The following AGPAT3 variants were observed in gnomAD, a reference collection of about 807,000 sequenced individuals.
The protein encoded by AGPAT3 is 1-acylglycerol-3-phosphate O-acyltransferase 3, also known as 1-acyl-sn-glycerol-3-phosphate acyltransferase gamma.
AGPAT3 carries 5 observed loss-of-function variants against 47.3 expected under a neutral mutation model. That is an observed-to-expected ratio of 0.11 (90% CI 0.06 to 0.22). The LOEUF (loss-of-function observed/expected upper bound fraction) is 0.22. Ranked by LOEUF, AGPAT3 falls within the 10% of genes least tolerant of loss-of-function variation. The pLI is 1.00. For missense variants in AGPAT3, 315 were observed against 493.0 expected (o/e 0.64, Z 3.42); for synonymous variants, 212 against 208.3 (o/e 1.02, Z -0.15).
rs142601212 is a variant in AGPAT3, at chr21:43,912,345, G to A, written c.-49+8326G>A. On this transcript the variant is annotated intron_variant, in intron 2 of 9. Transcript: ENST00000291572. ...TGTCTCCCTTCCTCATCTCTCCCAA[G>A]TGAGGATGAATTTCTCCTGAGGAAG... is the stretch of plus-strand genomic sequence containing the variant. Among the ~76,000 whole-genome samples, 540 of 152,376 alleles carry A rather than the reference G, an allele frequency of 3.5e-3. 3 individuals are homozygous for A. The highest frequency in any genetic ancestry group is 0.012 in the African/African-American group (514 of 41,594).
At chr21:43,919,540 C>T (rs182908974) in intron 2 of AGPAT3, among the ~76,000 whole-genome samples, 43 of 152,280 alleles carry the variant, frequency 2.8e-4, no homozygotes, top group African/African-American at 9.4e-4. Flanking sequence ...ATTCACTCTT[C>T]GGTCCATGGA....
chr21:43,878,736 C>CT (rs112902305), intron 1 of AGPAT3, among the ~76,000 whole-genome samples: 22,416 of 140,756 alleles, frequency 0.16, 3,506 homozygotes, highest in African/African-American at 0.41. Context: ...TTCCATTTGT[C>CT]TTTTTTTTTT....
intron 2 of AGPAT3, among the ~76,000 whole-genome samples, chr21:43,921,825 T>G (rs1444155854): frequency 6.6e-6 from 1 of 152,088 alleles, no homozygotes; most frequent in Non-Finnish European, 1.5e-5. Context: ...AAGCGTTAAT[T>G]ACTTTTTTAA....
At chr21:43,866,073 G>A (rs1248935498) in intron 1 of AGPAT3, among the ~76,000 whole-genome samples, 1 of 151,534 alleles carries the variant, frequency 6.6e-6, no homozygotes, top group African/African-American at 2.4e-5. Context: ...CAAGTACTTA[G>A]GAAAGGAGGG....
At chr21:43,882,913 C>T (rs759604010) in intron 1 of AGPAT3, among the ~76,000 whole-genome samples, 7 of 152,216 alleles carry the variant, frequency 4.6e-5, no homozygotes, top group Admixed American at 6.5e-5. Context: ...GTGTCATAGC[C>T]GCTCACTTGT....
Position 43,866,200 on chromosome 21 carries a change from A to C in AGPAT3, c.-112+855A>C, listed in dbSNP as rs1051136635. Among the ~76,000 whole-genome samples, 3 of 65,878 alleles carry C rather than the reference A, an allele frequency of 4.6e-5. No homozygotes were observed. In the Admixed American group the frequency reaches 5.0e-4, roughly 11 times the overall value. The allele number at this position is 65,878 out of a possible 152,430, so 43.2% of individuals were successfully genotyped here. A position where few individuals can be genotyped will look rare whatever the true frequency, so the allele number is the denominator to read the frequency against. On this transcript the variant is annotated intron_variant, in intron 1 of 9. Transcript: ENST00000291572. ...TTTATAAATGGCTTCCCAGACCTTT[A>C]AAAAAAAAAAAGCACAATTTTAAAA...
At chr21:43,889,385 G>T (rs1469834090) in intron 1 of AGPAT3, among the ~76,000 whole-genome samples, 2 of 151,392 alleles carry the variant, frequency 1.3e-5, no homozygotes, top group Non-Finnish European at 2.9e-5. Context: ...TCACAATCAT[G>T]ATTGGATGTT....
In AGPAT3 at chr21:43,970,269, G is replaced by A. The variant is rs2089339883; in HGVS notation, c.511-384G>A. ...GATCCACCCGCCTCGGCCTCCTAAA[G>A]TGCTGGGATTACAGGGGTGAGCCAC... On this transcript the variant is annotated intron_variant, in intron 5 of 9. Transcript: ENST00000291572. This position sits in a 1 kb window ranked among gnomAD's most constrained non-coding sequence, Gnocchi z 5.8. Among the ~76,000 whole-genome samples, 1 of 152,148 alleles carries A rather than the reference G, an allele frequency of 6.6e-6. No homozygotes were observed. The highest frequency in any genetic ancestry group is 1.5e-5 in the Non-Finnish European group (1 of 68,026).
intron 2 of AGPAT3, among the ~76,000 whole-genome samples, chr21:43,940,744 C>A (rs1240768785): frequency 3.3e-5 from 5 of 152,248 alleles, no homozygotes; most frequent in African/African-American, 1.2e-4. Context: ...TGCGTAGTTA[C>A]CATCAAAGTG....
chr21:43,948,933 A>G (rs2088044028), intron 2 of AGPAT3, among the ~76,000 whole-genome samples: 1 of 152,200 alleles, frequency 6.6e-6, no homozygotes, highest in African/African-American at 2.4e-5. Context: ...AGCTGCTCCT[A>G]GTCAGTGAAG....
intron 2 of AGPAT3, among the ~76,000 whole-genome samples, chr21:43,907,493 G>A (rs1724259015): frequency 6.6e-6 from 1 of 152,144 alleles, no homozygotes; most frequent in African/African-American, 2.4e-5. Context: ...CGAGGCAGGC[G>A]GATCACGAGG....
Position 43,970,856 on chromosome 21 carries a change from T to C in AGPAT3, c.664+50T>C, listed in dbSNP as rs78512431. The C allele has an allele frequency of 0.1, 143,237 of 1,416,578 alleles. 7,590 individuals are homozygous for C. The highest frequency in any genetic ancestry group is 0.16 in the Middle Eastern group (724 of 4,632). 87.8% of individuals were successfully genotyped at this position (1,416,578 alleles called of 1,614,324 possible). A position where few individuals can be genotyped will look rare whatever the true frequency, so the allele number is the denominator to read the frequency against. On this transcript the variant is annotated intron_variant, in intron 6 of 9. Coordinates refer to ENST00000291572, the MANE Select transcript of AGPAT3 (RefSeq NM_020132.5). This position sits in a 1 kb window ranked among gnomAD's most constrained non-coding sequence, Gnocchi z 5.8. ...GGGCCACCGCTATGCTCACGGAAAA[T>C]AGTGATTTCTTTAAAAAAAAAAAAA... is the stretch of plus-strand genomic sequence containing the variant.
chr21:43,884,187 C>G lies in AGPAT3; in HGVS notation c.-112+18842C>G, dbSNP rs563926210. Among the ~76,000 whole-genome samples, 6 of 152,214 alleles carry G rather than the reference C, an allele frequency of 3.9e-5. No individual in the cohort carries two copies. In the South Asian group the frequency reaches 1.0e-3, roughly 26 times the overall value. ...ATAGTCCCCAGTGCTGGAGGCCTGT[C>G]GAAAGTGTAGCTCCACCACGCCCTT... On this transcript the variant is annotated intron_variant, in intron 1 of 9. Coordinates refer to ENST00000291572, the MANE Select transcript of AGPAT3 (RefSeq NM_020132.5).
chr21:43,983,027 C>T lies in AGPAT3; in HGVS notation c.*635C>T, dbSNP rs1306031207. ...AACGCCCCACCTCACTTTCTAGAGC[C>T]CTGTCTGTCCTAGCTCCTATCTGAC... On this transcript the variant is annotated 3_prime_UTR_variant, in exon 10 of 10. Transcript: ENST00000291572. The T allele has an allele frequency of 1.3e-5, 2 of 152,540 alleles. No homozygotes were observed. The highest frequency in any genetic ancestry group is 4.8e-5 in the African/African-American group (2 of 41,474). 9.4% of individuals were successfully genotyped at this position (152,540 alleles called of 1,614,324 possible).
intron 2 of AGPAT3, among the ~76,000 whole-genome samples, chr21:43,911,841 G>A (rs1259489655): frequency 2.6e-5 from 4 of 152,364 alleles, no homozygotes; most frequent in South Asian, 2.1e-4. Flanking sequence ...GGTGGCTTTC[G>A]TCTGACCATG....
intron 1 of AGPAT3, among the ~76,000 whole-genome samples, chr21:43,903,723 T>C (rs1019898645): frequency 6.6e-6 from 1 of 152,214 alleles, no homozygotes; most frequent in Non-Finnish European, 1.5e-5. Flanking sequence ...GAGCCATCTG[T>C]TGGGCCTCCT....
chr21:43,967,820 C>A, intron 3 of AGPAT3, 126 bp from the exon 4 acceptor site: 1 of 978,820 alleles, frequency 1.0e-6, no homozygotes, highest in Non-Finnish European at 1.5e-6. Flanking sequence ...TGTAAGTCAT[C>A]AAAACTCATG....
rs1679499637 is a variant in AGPAT3 at position 43,865,269 on chromosome 21, G to C, written c.-188G>C. On this transcript the variant is annotated 5_prime_UTR_variant, in exon 1 of 10. Transcript: ENST00000291572. ...GGGCCGGGCCGGGCCCAGGGCCGAG[G>C]AGCGCGGCGGCCAGAGCGGGGCCGC... 6.8e-6 allele frequency: 1 copy of C among 147,200 alleles called. No homozygotes were observed. Among genetic ancestry groups the C allele is most frequent in the African/African-American group, 2.4e-5 (1 of 40,848 alleles). The allele number at this position is 147,200 out of a possible 1,614,324, so 9.1% of individuals were successfully genotyped here.
chr21:43,960,843 GA>G, intron 3 of AGPAT3: 1 of 912,294 alleles, frequency 1.1e-6, no homozygotes, highest in Non-Finnish European at 1.3e-6. Flanking sequence ...TACATGTGTG[GA>G]AAAATCCCAG....
Sources: allele counts gnomAD v4.1 joint callset (sites outside exome capture counted in the v4.1 genomes callset), GRCh38; gene constraint gnomAD v4.1.1; non-coding constraint Gnocchi (gnomAD v3.1); transcripts MANE v1.5; gene names NCBI Gene and HGNC (gene_info 2026-07-23, HGNC 2026-07-21).